Variants in PATJ observed in about 807,000 individuals in gnomAD.
PATJ encodes inaD-like protein.
A neutral mutation model predicts 224.9 loss-of-function variants in PATJ; 190 were observed. That is an observed-to-expected ratio of 0.84 (90% CI 0.75 to 0.95). The LOEUF is 0.95. Among genes scored for constraint, PATJ ranks in the 40% least tolerant of loss-of-function variants. The probability of loss-of-function intolerance (pLI) is 0.00; values close to 1 mark genes in which losing one functional copy is unlikely to be tolerated. For missense variants in PATJ, 2,121 were observed against 2,270.3 expected (o/e 0.93, Z 1.34); for synonymous variants, 769 against 820.3 (o/e 0.94, Z 1.07).
intron 27 of PATJ, among the ~76,000 whole-genome samples, chr1:61,974,976 A>T (rs1644050556): frequency 6.6e-6 from 1 of 151,706 alleles, no homozygotes; most frequent in Non-Finnish European, 1.5e-5. Flanking sequence ...ACAGAGTTTC[A>T]TTCTGTTGCC....
rs551330073 is a variant in PATJ, at chr1:61,756,521, C to G, written c.-35-6337C>G. On this transcript the variant is annotated intron_variant, in intron 1 of 43. Transcript: ENST00000642238. ...CTGATGCATGCTAAAGTTTGAGAAC[C>G]ACTAACCTAGGGTAGCCTTATATAT... 8.0e-4 allele frequency among the ~76,000 whole-genome samples: 121 copies of G among 150,718 alleles called. 1 individual carries two copies. The highest frequency in any genetic ancestry group is 2.7e-3 in the African/African-American group (112 of 41,022).
At chr1:62,129,612 T>C (rs981548880) in intron 41 of PATJ, among the ~76,000 whole-genome samples, 1 of 152,234 alleles carries the variant, frequency 6.6e-6, no homozygotes, top group Admixed American at 6.5e-5. Context: ...CCCAGAAATG[T>C]ATGCTTACCA....
At chr1:61,861,284 CTTTTTTTTTTTT>C in intron 18 of PATJ, among the ~76,000 whole-genome samples, 4 of 48,848 alleles carry the variant, frequency 8.2e-5, no homozygotes, top group African/African-American at 1.2e-4. Context: ...TTCTTTCTTT[CTTTTTTTTTTTT>C]TTTTTTTTTT....
chr1:61,871,389 A>G (rs1250573666), intron 20 of PATJ, among the ~76,000 whole-genome samples: 5 of 88,384 alleles, frequency 5.7e-5, no homozygotes, highest in South Asian at 7.3e-4. Context: ...TTTTTTGTGT[A>G]TATATATATA....
At chr1:61,800,156 T>C (rs969954367) in intron 11 of PATJ, among the ~76,000 whole-genome samples, 3 of 152,230 alleles carry the variant, frequency 2.0e-5, no homozygotes, top group African/African-American at 7.2e-5. Context: ...TTTAGTTCTT[T>C]AAGAGATCTC....
chr1:61,827,391 T>C, intron 15 of PATJ, 31 bp from the exon 16 acceptor site: 1 of 1,554,362 alleles, frequency 6.4e-7, no homozygotes, highest in Non-Finnish European at 8.7e-7. Context: ...TGGGGCTGGC[T>C]CAGTTCTGAC....
At chr1:62,111,438 C>A (rs1202805954) in intron 34 of PATJ, among the ~76,000 whole-genome samples, 1 of 152,104 alleles carries the variant, frequency 6.6e-6, no homozygotes, top group East Asian at 1.9e-4. Context: ...TGTAAAATAC[C>A]AACTTCTAAC....
chr1:62,041,696 GGCTAGTATGTAAAATAAAAAGTACAA>G (rs1294095877), intron 30 of PATJ, among the ~76,000 whole-genome samples: 17 of 152,312 alleles, frequency 1.1e-4, no homozygotes, highest in African/African-American at 3.8e-4. Flanking sequence ...AAAACAAGCA[GGCTAGTATGTAAAATAAAAAGTACAA>G]GCTAGTATGT....
chr1:61,748,863 A>G (rs1010632640), intron 1 of PATJ, among the ~76,000 whole-genome samples: 6 of 152,016 alleles, frequency 3.9e-5, no homozygotes, highest in African/African-American at 1.4e-4. Flanking sequence ...CATGTTTTAA[A>G]TCATTTTGAT....
At chr1:61,881,583 T>C (rs1220639474) in intron 21 of PATJ, among the ~76,000 whole-genome samples, 2 of 151,954 alleles carry the variant, frequency 1.3e-5, no homozygotes, top group African/African-American at 2.4e-5. Flanking sequence ...GGCTAATTTT[T>C]GTATTTTTAG....
chr1:61,742,728 C>G (rs562981093), intron 1 of PATJ, among the ~76,000 whole-genome samples, 173 bp downstream of exon 1: 1 of 151,212 alleles, frequency 6.6e-6, no homozygotes, highest in African/African-American at 2.4e-5. Context: ...AGGGCGCCGC[C>G]GGGCGCTCAG....
chr1:62,048,723 T>C (rs1653036766), intron 30 of PATJ, among the ~76,000 whole-genome samples: 1 of 152,116 alleles, frequency 6.6e-6, no homozygotes, highest in Admixed American at 6.6e-5. Context: ...TGGTATTTTA[T>C]CTGCACTTTA....
intron 41 of PATJ, among the ~76,000 whole-genome samples, chr1:62,132,840 G>A (rs1666403942): frequency 6.6e-6 from 1 of 151,990 alleles, no homozygotes; most frequent in Non-Finnish European, 1.5e-5. Context: ...GGGGGCAGAG[G>A]TTGCAGTGAG....
chr1:62,138,705 G>C (rs1667197246), intron 41 of PATJ, among the ~76,000 whole-genome samples: 1 of 152,186 alleles, frequency 6.6e-6, no homozygotes, highest in African/African-American at 2.4e-5. Flanking sequence ...AGGCCTCTGG[G>C]TCTAGCGGGA....
chr1:61,876,140 A>G (rs947787988), intron 21 of PATJ, among the ~76,000 whole-genome samples: 7 of 152,198 alleles, frequency 4.6e-5, no homozygotes, highest in African/African-American at 1.7e-4. Flanking sequence ...TAACAGTTTT[A>G]TATGAGATTA....
At chr1:62,076,053 C>T (rs1183254998) in intron 31 of PATJ, among the ~76,000 whole-genome samples, 1 of 151,962 alleles carries the variant, frequency 6.6e-6, no homozygotes, top group African/African-American at 2.4e-5. Context: ...AAAAAAATCA[C>T]GAATGCTAGG....
chr1:61,995,611 C>T (rs1645308059), intron 28 of PATJ, among the ~76,000 whole-genome samples: 1 of 152,164 alleles, frequency 6.6e-6, no homozygotes, highest in Non-Finnish European at 1.5e-5. Context: ...TTCTGTCCAT[C>T]AATGGCTTGG....
At chr1:62,119,127 C>T (rs1280575124) in intron 37 of PATJ, among the ~76,000 whole-genome samples, 1 of 152,044 alleles carries the variant, frequency 6.6e-6, no homozygotes, top group Non-Finnish European at 1.5e-5. Context: ...ATTTTAATTT[C>T]AGAGGGTAGG....
At chr1:62,134,054 A>G (rs1666550662) in intron 41 of PATJ, among the ~76,000 whole-genome samples, 1 of 150,838 alleles carries the variant, frequency 6.6e-6, no homozygotes. Context: ...CCAATTTTGC[A>G]TTTCTTCTAA....
Sources: gnomAD v4.1 joint callset for allele counts (sites outside exome capture counted in the v4.1 genomes callset) on GRCh38, gnomAD v4.1.1 for gene constraint, MANE v1.5 for transcripts, NCBI Gene and HGNC (gene_info 2026-07-23, HGNC 2026-07-21) for gene names.